The following NEK1 variants were observed in gnomAD, a reference collection of about 807,000 sequenced individuals.
NEK1 encodes NIMA related kinase 1.
Under a neutral mutation model 182.1 loss-of-function variants are expected in NEK1, and 137 were observed. That is an observed-to-expected ratio of 0.75 (90% CI 0.65 to 0.87). The LOEUF is 0.87. NEK1 is among the 40% of genes least tolerant of loss of function. NEK1 has a pLI of 0.00. For synonymous variants in NEK1, 513 were observed against 492.2 expected (o/e 1.04, Z -0.56); for missense variants, 1,391 against 1,494.4 (o/e 0.93, Z 1.14).
At chr4:169,418,928 A>C (rs1217204247) in intron 31 of NEK1, among the ~76,000 whole-genome samples, 2 of 152,196 alleles carry the variant, frequency 1.3e-5, no homozygotes, top group Non-Finnish European at 2.9e-5. Flanking sequence ...CACACACATT[A>C]CAGACCCCAT....
intron 27 of NEK1, among the ~76,000 whole-genome samples, chr4:169,448,809 C>T (rs1446583854): frequency 1.3e-5 from 2 of 152,232 alleles, no homozygotes; most frequent in African/African-American, 4.8e-5. Flanking sequence ...ACTGGTTGGA[C>T]AGTGGGTGCA....
In NEK1 at chr4:169,508,242, A is replaced by C; in HGVS notation, c.1833+6T>G. 1 of 1,580,568 alleles carries C rather than the reference A, an allele frequency of 6.3e-7. No individual in the cohort carries two copies. ...ATTTCTTCAAAAAAATAGCTTTTCAACCTACCTTTTCACCACGAAGTTTGG... is the reference window on the plus strand; with the variant it reads ...ATTTCTTCAAAAAAATAGCTTTTCACCCTACCTTTTCACCACGAAGTTTGG... On this transcript the variant is annotated splice_donor_region_variant and intron_variant, in intron 21 of 35. Coordinates refer to ENST00000507142, the MANE Select transcript of NEK1 (RefSeq NM_001199397.3).
intron 18 of NEK1, chr4:169,555,499 C>A (rs1762033450): frequency 1.9e-6 from 1 of 535,064 alleles, no homozygotes; most frequent in Non-Finnish European, 3.4e-6. Flanking sequence ...TCAGTCTAAA[C>A]CCACAAACAA....
chr4:169,411,956 G>C (rs1299879761), intron 31 of NEK1, among the ~76,000 whole-genome samples: 3 of 152,020 alleles, frequency 2.0e-5, no homozygotes, highest in African/African-American at 4.8e-5. Flanking sequence ...AGGAGAAATG[G>C]GGCTCATGTA....
At chr4:169,582,663 C>T (rs369978608) in intron 10 of NEK1, among the ~76,000 whole-genome samples, 5 of 152,198 alleles carry the variant, frequency 3.3e-5, no homozygotes, top group African/African-American at 1.2e-4. Flanking sequence ...TGTTAATGCT[C>T]ATGTGAATTG....
intron 19 of NEK1, among the ~76,000 whole-genome samples, chr4:169,528,434 T>G (rs543430804): frequency 8.5e-5 from 13 of 152,102 alleles, no homozygotes; most frequent in Non-Finnish European, 1.5e-5. Context: ...AGGAAATAAA[T>G]TCTCTCACTA....
chr4:169,518,599 G>A (rs1367566978), intron 19 of NEK1, among the ~76,000 whole-genome samples: 3 of 98,470 alleles, frequency 3.0e-5, no homozygotes, highest in African/African-American at 6.8e-5. Flanking sequence ...TGTGATGTTA[G>A]GGTGTCAATT....
chr4:169,580,037 T>C (rs906111948), intron 11 of NEK1, among the ~76,000 whole-genome samples: 5 of 152,164 alleles, frequency 3.3e-5, no homozygotes, highest in African/African-American at 1.2e-4. Context: ...CCCTCTCACA[T>C]AGATACATCT....
chr4:169,485,966 A>C (rs558537446), intron 23 of NEK1, among the ~76,000 whole-genome samples: 1 of 152,266 alleles, frequency 6.6e-6, no homozygotes, highest in African/African-American at 2.4e-5. Context: ...GGATCCCTTG[A>C]GCCCAGCAGG....
intron 18 of NEK1, among the ~76,000 whole-genome samples, chr4:169,547,722 G>A (rs1032650417): frequency 1.3e-5 from 2 of 151,976 alleles, no homozygotes; most frequent in East Asian, 3.9e-4. Flanking sequence ...TCATTGAGTT[G>A]ATCTTCAATC....
At chr4:169,464,265 T>A (rs1744515904) in intron 26 of NEK1, among the ~76,000 whole-genome samples, 1 of 152,174 alleles carries the variant, frequency 6.6e-6, no homozygotes, top group South Asian at 2.1e-4. Context: ...CCAGAATACC[T>A]GAGAGCTGTT....
chr4:169,413,299 C>T (rs1027148112), intron 31 of NEK1, among the ~76,000 whole-genome samples: 22 of 151,944 alleles, frequency 1.4e-4, no homozygotes, highest in African/African-American at 5.1e-4. Flanking sequence ...TCCGAAGCAG[C>T]TGGGACTAGA....
intron 23 of NEK1, among the ~76,000 whole-genome samples, chr4:169,495,405 A>G (rs1281010307): frequency 1.3e-5 from 2 of 151,398 alleles, no homozygotes; most frequent in Admixed American, 6.6e-5. Context: ...CACCATGACC[A>G]GCTAATTTTT....
At chr4:169,429,965 G>A (rs185624471) in intron 29 of NEK1, among the ~76,000 whole-genome samples, 3 of 152,164 alleles carry the variant, frequency 2.0e-5, no homozygotes, top group Admixed American at 2.0e-4. Context: ...AATGATTTCA[G>A]AAATGGAAAT....
At chr4:169,582,729 CAAT>C (rs1766870962) in intron 10 of NEK1, among the ~76,000 whole-genome samples, 3 of 151,932 alleles carry the variant, frequency 2.0e-5, no homozygotes, top group Non-Finnish European at 4.4e-5. Context: ...TTATGTTTTC[CAAT>C]AGAGTAGCCA....
At chr4:169,580,763 T>C (rs1370997636) in intron 11 of NEK1, 79 bp downstream of exon 11, 3 of 821,294 alleles carry the variant, frequency 3.7e-6, no homozygotes, top group South Asian at 3.2e-5. Context: ...CCCAACTTAC[T>C]ACATCTACAT....
intron 26 of NEK1, among the ~76,000 whole-genome samples, chr4:169,471,525 T>C (rs903050571): frequency 6.6e-6 from 1 of 152,158 alleles, no homozygotes; most frequent in Non-Finnish European, 1.5e-5. Context: ...ACCCGCCAGA[T>C]GCCAGCTGAA....
intron 19 of NEK1, among the ~76,000 whole-genome samples, chr4:169,522,645 A>G (rs987307595): frequency 6.6e-6 from 1 of 152,174 alleles, no homozygotes; most frequent in Non-Finnish European, 1.5e-5. Context: ...CTGTCTTGTG[A>G]GAATGGAAGT....
chr4:169,451,213 A>G (rs1741688074), intron 27 of NEK1, among the ~76,000 whole-genome samples: 2 of 152,216 alleles, frequency 1.3e-5, no homozygotes, highest in South Asian at 2.1e-4. Flanking sequence ...AACTGTCAAT[A>G]TTAGACAGAT....
Sources: gnomAD v4.1 joint callset for allele counts (sites outside exome capture counted in the v4.1 genomes callset) on GRCh38, gnomAD v4.1.1 for gene constraint, MANE v1.5 for transcripts, NCBI Gene and HGNC (gene_info 2026-07-23, HGNC 2026-07-21) for gene names.